CAMK2D: variants seen among roughly 807,000 people sequenced by gnomAD.
The protein encoded by CAMK2D is calcium/calmodulin-dependent protein kinase type II subunit delta.
A neutral mutation model predicts 84.0 loss-of-function variants in CAMK2D; 37 were observed. The ratio of observed to expected loss-of-function variants is 0.44; its 90% CI spans 0.34 to 0.58. The LOEUF (loss-of-function observed/expected upper bound fraction) is 0.58, where lower values mean the gene tolerates loss of function less well. Among genes scored for constraint, CAMK2D ranks in the 20% least tolerant of loss-of-function variants. The pLI, the probability that CAMK2D is intolerant of heterozygous loss-of-function variation, is 0.02. For synonymous variants in CAMK2D, 202 were observed against 212.5 expected (o/e 0.95, Z 0.43); for missense variants, 448 against 652.5 (o/e 0.69, Z 3.41).
At chr4:113,653,476 C>T (rs959586695) in intron 3 of CAMK2D, among the ~76,000 whole-genome samples, 3 of 151,984 alleles carry the variant, frequency 2.0e-5, no homozygotes, top group Non-Finnish European at 1.5e-5. Context: ...AAATTACTTA[C>T]TCTTGTTTGA....
intron 13 of CAMK2D, among the ~76,000 whole-genome samples, chr4:113,508,744 G>GCATGAACATTTAAAGTGACAAATGATTTT (rs2098166681): frequency 1.3e-5 from 2 of 152,170 alleles, no homozygotes; most frequent in African/African-American, 2.4e-5. Context: ...AAATGACTGA[G>GCATGAACATTTAAAGTGACAAATGATTTT]CATGAACATT....
chr4:113,689,394 A>G (rs892897634), intron 2 of CAMK2D, among the ~76,000 whole-genome samples: 1 of 152,234 alleles, frequency 6.6e-6, no homozygotes, highest in African/African-American at 2.4e-5. Flanking sequence ...CTCCAGTTAC[A>G]TTTGTTCCTG....
chr4:113,661,872 A>G, intron 2 of CAMK2D, 100 bp from the exon 3 acceptor site: 1 of 607,290 alleles, frequency 1.6e-6, no homozygotes, highest in Non-Finnish European at 3.0e-6. Context: ...GCATTTACTT[A>G]TCCTTTGATT....
chr4:113,482,953 A>G (rs1259972973), intron 16 of CAMK2D, among the ~76,000 whole-genome samples: 1 of 152,214 alleles, frequency 6.6e-6, no homozygotes, highest in Non-Finnish European at 1.5e-5. Flanking sequence ...CATATAATGG[A>G]TTGGCAAACT....
intron 12 of CAMK2D, 55 bp downstream of exon 12, chr4:113,513,273 A>G (rs2098241953): frequency 6.3e-7 from 1 of 1,583,940 alleles, no homozygotes; most frequent in Admixed American, 1.8e-5. Flanking sequence ...AAAAAAACAG[A>G]GACTACTTAA....
At chr4:113,746,977 A>AATATAT (rs148764047) in intron 2 of CAMK2D, among the ~76,000 whole-genome samples, 2,266 of 145,598 alleles carry the variant, frequency 0.016, 27 homozygotes, top group African/African-American at 0.036. Context: ...TACCATTAAT[A>AATATAT]ATATATATAT....
rs2099630652 is a variant in CAMK2D, at chr4:113,757,315, CTATGT to C, written c.160+2000_160+2004del. Among the ~76,000 whole-genome samples the C allele has an allele frequency of 2.0e-5, 3 of 151,970 alleles. No homozygotes were observed. In the South Asian group the frequency reaches 6.2e-4, roughly 32 times the overall value. On this transcript the variant is annotated intron_variant, in intron 2 of 20. Coordinates refer to ENST00000511664, the MANE Select transcript of CAMK2D (RefSeq NM_001321571.2). ...ATAGTGGGGCAGGTGCTGTTCTATG[CTATGT>C]TAATTCATTCATTCCACACAAAACC...
chr4:113,661,195 C>CTA (rs1033358636), intron 3 of CAMK2D, among the ~76,000 whole-genome samples: 1 of 152,082 alleles, frequency 6.6e-6, no homozygotes, highest in African/African-American at 2.4e-5. Flanking sequence ...TTTTGAAAAA[C>CTA]TATATATATA....
At chr4:113,613,975 G>C (rs1561362871) in intron 3 of CAMK2D, among the ~76,000 whole-genome samples, 1 of 152,132 alleles carries the variant, frequency 6.6e-6, no homozygotes, top group East Asian at 1.9e-4. Context: ...ACTCCAAGTA[G>C]AAACTGTGTC....
At chr4:113,712,045 C>A (rs1047316483) in intron 2 of CAMK2D, among the ~76,000 whole-genome samples, 6 of 152,058 alleles carry the variant, frequency 3.9e-5, no homozygotes, top group Admixed American at 1.3e-4. Flanking sequence ...AATGAACAAG[C>A]CTTAAACTTC....
rs571999193 is a variant in CAMK2D, at chr4:113,718,209, A to G, written c.160+41111T>C. On this transcript the variant is annotated intron_variant, in intron 2 of 20. Transcript: ENST00000511664. ...TCTTATTTGAGTTGTATTACTACTT[A>G]ATAATAAAGACCAGAGTTTTATTAT... is the stretch of plus-strand genomic sequence containing the variant. Among the ~76,000 whole-genome samples the G allele has an allele frequency of 3.9e-5, 6 of 152,252 alleles. No homozygotes were observed. The South Asian group carries it at 1.0e-3, about 26-fold the overall frequency.
chr4:113,735,007 G>C (rs570695361), intron 2 of CAMK2D, among the ~76,000 whole-genome samples: 4 of 150,172 alleles, frequency 2.7e-5, no homozygotes, highest in Admixed American at 2.0e-4. Flanking sequence ...AACAGATTCC[G>C]AAAACTACCC....
chr4:113,504,874 T>C, intron 14 of CAMK2D, 102 bp downstream of exon 14: 2 of 363,912 alleles, frequency 5.5e-6, no homozygotes, highest in South Asian at 1.3e-4. Flanking sequence ...CGAAATAAAA[T>C]ATTTATATAT....
intron 13 of CAMK2D, among the ~76,000 whole-genome samples, chr4:113,509,310 A>C (rs752610721): frequency 1.3e-5 from 2 of 152,232 alleles, no homozygotes; most frequent in Non-Finnish European, 2.9e-5. Flanking sequence ...TTTGGTTTTT[A>C]CAGACTTTTA....
chr4:113,503,194 A>C, intron 14 of CAMK2D: 2 of 724,078 alleles, frequency 2.8e-6, no homozygotes, highest in Non-Finnish European at 5.1e-6. Flanking sequence ...CAGAAGCAGC[A>C]TGCAAAAGAC....
At position 113,690,289 on chromosome 4, in the gene CAMK2D, C is replaced by T. The variant is rs532025871; in HGVS notation, c.161-28517G>A. 3.9e-4 allele frequency among the ~76,000 whole-genome samples: 59 copies of T among 152,216 alleles called. 1 individual carries two copies. Among genetic ancestry groups the T allele is most frequent in the Admixed American group, 1.0e-3 (16 of 15,296 alleles). On this transcript the variant is annotated intron_variant, in intron 2 of 20. Transcript: ENST00000511664. ...TTGGTAAAATTGTGATGGGAGAACA[C>T]AAGGTCACAGGTCCATAACTTCTAC...
intron 3 of CAMK2D, among the ~76,000 whole-genome samples, chr4:113,659,398 A>G (rs2099217859): frequency 6.6e-6 from 1 of 152,244 alleles, no homozygotes; most frequent in South Asian, 2.1e-4. Context: ...CTATGTTGAT[A>G]TGCTAATCCT....
chr4:113,570,827 A>G (rs2098749698), intron 4 of CAMK2D, among the ~76,000 whole-genome samples: 1 of 152,118 alleles, frequency 6.6e-6, no homozygotes, highest in Admixed American at 6.5e-5. Flanking sequence ...GCTTCTGCTC[A>G]AAAAAGGAAA....
chr4:113,564,791 TCTA>T (rs541869308), intron 4 of CAMK2D, among the ~76,000 whole-genome samples: 1 of 152,242 alleles, frequency 6.6e-6, no homozygotes, highest in Non-Finnish European at 1.5e-5. Flanking sequence ...CTCCTATTCT[TCTA>T]GTCATTTGCA....
Sources: allele counts gnomAD v4.1 joint callset (sites outside exome capture counted in the v4.1 genomes callset), GRCh38; gene constraint gnomAD v4.1.1; transcripts MANE v1.5; gene names NCBI Gene and HGNC (gene_info 2026-07-23, HGNC 2026-07-21).